Variants in NAV2 observed in about 807,000 individuals in gnomAD.
The protein encoded by NAV2 is neuron navigator 2.
Under a neutral mutation model 223.2 loss-of-function variants are expected in NAV2, and 54 were observed. The observed-to-expected ratio is 0.24, with a 90% CI of 0.19 to 0.30. The LOEUF (loss-of-function observed/expected upper bound fraction) is 0.30, where lower values mean the gene tolerates loss of function less well. Among genes scored for constraint, NAV2 ranks in the 10% least tolerant of loss-of-function variants. The pLI is 1.00. For missense variants in NAV2, 2,806 were observed against 3,147.5 expected, an observed-to-expected ratio of 0.89 and a Z score of 2.60; for synonymous variants, 1,279 against 1,239.3, an observed-to-expected ratio of 1.03 and a Z score of -0.67.
intron 1 of NAV2, among the ~76,000 whole-genome samples, chr11:19,693,138 C>T (rs78224385): frequency 0.017 from 2,609 of 152,344 alleles, 73 homozygotes; most frequent in African/African-American, 0.059. Flanking sequence ...TTTCACGTAT[C>T]TACTACCAGC....
chr11:19,474,462 T>C (rs897154648), intron 1 of NAV2, among the ~76,000 whole-genome samples: 17 of 152,210 alleles, frequency 1.1e-4, no homozygotes, highest in African/African-American at 3.1e-4. Flanking sequence ...ACAATACACG[T>C]ATGTGTAGCC....
chr11:19,832,432 T>G (rs2059996577), intron 1 of NAV2, 52 bp from the exon 2 acceptor site: 8 of 1,452,130 alleles, frequency 5.5e-6, no homozygotes, highest in Non-Finnish European at 7.7e-6. Flanking sequence ...CCTCAGACTC[T>G]GAGAGGGGAT....
intron 1 of NAV2, among the ~76,000 whole-genome samples, chr11:19,544,007 A>G (rs928927902): frequency 2.0e-5 from 3 of 152,256 alleles, no homozygotes; most frequent in African/African-American, 7.2e-5. Flanking sequence ...TTGTGAATAT[A>G]TACTTACTAC....
At chr11:19,681,521 G>C (rs546401124) in intron 1 of NAV2, among the ~76,000 whole-genome samples, 2 of 152,120 alleles carry the variant, frequency 1.3e-5, no homozygotes, top group African/African-American at 4.8e-5. Context: ...GAAGCCTATC[G>C]ATTTAATTAT....
At chr11:19,501,095 A>G (rs1001724092) in intron 1 of NAV2, among the ~76,000 whole-genome samples, 2 of 152,112 alleles carry the variant, frequency 1.3e-5, no homozygotes, top group African/African-American at 4.8e-5. Context: ...CCATCTTCAA[A>G]GTCAGCAACC....
Position 20,002,673 on chromosome 11 carries a change from G to A in NAV2, c.2768+18426G>A, listed in dbSNP as rs1464293672. On this transcript the variant is annotated intron_variant, in intron 11 of 37. Coordinates refer to ENST00000349880, the MANE Select transcript of NAV2 (RefSeq NM_145117.5). ...GTTTTGTTCTCTGGGAAATCCTATC[G>A]TTGAAGGCCAACCACTTGTTTTCCA... is the stretch of plus-strand genomic sequence containing the variant. Among the ~76,000 whole-genome samples the A allele has an allele frequency of 3.3e-5, 5 of 152,136 alleles. No individual in the cohort carries two copies. The East Asian group carries it at 5.8e-4, about 18-fold the overall frequency.
chr11:20,067,636 C>G (rs1480631846), intron 20 of NAV2, among the ~76,000 whole-genome samples: 1 of 146,054 alleles, frequency 6.8e-6, no homozygotes. Context: ...TGCCATCACA[C>G]CCGGCTAATT....
intron 1 of NAV2, among the ~76,000 whole-genome samples, chr11:19,759,304 C>T (rs1321939922): frequency 6.6e-6 from 1 of 151,870 alleles, no homozygotes; most frequent in East Asian, 1.9e-4. Context: ...AGGATGGTCT[C>T]GATCTGCTGA....
At chr11:20,092,170 T>C (rs1392110508) in intron 27 of NAV2, 36 bp from the exon 28 acceptor site, 1 of 1,593,230 alleles carries the variant, frequency 6.3e-7, no homozygotes, top group Admixed American at 1.7e-5. Flanking sequence ...ACATTACTTC[T>C]GCCTACTAAG....
chr11:19,897,733 C>T (rs1373417526), intron 6 of NAV2, among the ~76,000 whole-genome samples: 1 of 151,834 alleles, frequency 6.6e-6, no homozygotes, highest in African/African-American at 2.4e-5. Context: ...TCAGATTTTG[C>T]CTGTGAGGTT....
chr11:19,763,246 ACTGT>A (rs2054916627), intron 1 of NAV2, among the ~76,000 whole-genome samples: 1 of 152,162 alleles, frequency 6.6e-6, no homozygotes, highest in African/African-American at 2.4e-5. Context: ...ATAACAGGAG[ACTGT>A]CTGTATTTTC....
At chr11:19,748,923 C>A (rs543596683) in intron 1 of NAV2, among the ~76,000 whole-genome samples, 1 of 152,342 alleles carries the variant, frequency 6.6e-6, no homozygotes, top group South Asian at 2.1e-4. Context: ...GAAGAACTTG[C>A]CCAAACCACA....
At chr11:19,739,734 T>C (rs1197279782) in intron 1 of NAV2, among the ~76,000 whole-genome samples, 1 of 152,174 alleles carries the variant, frequency 6.6e-6, no homozygotes, top group East Asian at 1.9e-4. Context: ...GCTAAACCTC[T>C]CTTTTGCTGG....
intron 3 of NAV2, among the ~76,000 whole-genome samples, chr11:19,848,871 G>T (rs1565423083): frequency 6.6e-6 from 1 of 152,132 alleles, no homozygotes; most frequent in Non-Finnish European, 1.5e-5. Flanking sequence ...GGACTCAAAG[G>T]AAACCCCTGA....
chr11:19,560,611 G>A (rs913468446), intron 1 of NAV2, among the ~76,000 whole-genome samples: 11 of 152,180 alleles, frequency 7.2e-5, no homozygotes, highest in Admixed American at 2.0e-4. Flanking sequence ...TAAGTTTATA[G>A]AAAACTCTAA....
At chr11:19,736,412 G>C (rs1409593252) in intron 1 of NAV2, among the ~76,000 whole-genome samples, 1 of 152,168 alleles carries the variant, frequency 6.6e-6, no homozygotes, top group African/African-American at 2.4e-5. Flanking sequence ...ATCCTCCTTG[G>C]CAGTCCCAGG....
At chr11:19,561,317 C>G (rs572994583) in intron 1 of NAV2, among the ~76,000 whole-genome samples, 37 of 152,240 alleles carry the variant, frequency 2.4e-4, no homozygotes, top group African/African-American at 8.9e-4. Flanking sequence ...TAACCAGTCA[C>G]GGAGAGTCGG....
In NAV2 at chr11:19,607,500, A is replaced by G. The variant is rs1039319922; in HGVS notation, c.76-224984A>G. On this transcript the variant is annotated intron_variant, in intron 1 of 37. Coordinates refer to the NAV2 transcript ENST00000360655. Reference sequence around the variant, plus strand: ...CTGGAAGATGGGCCAGTTCTACTTAAATGTTGTCTGACTGCTACTTAACCC... The same window carrying G: ...CTGGAAGATGGGCCAGTTCTACTTAGATGTTGTCTGACTGCTACTTAACCC... Among the ~76,000 whole-genome samples, 8 of 152,154 alleles carry G rather than the reference A, an allele frequency of 5.3e-5. No individual in the cohort carries two copies. In the East Asian group the frequency reaches 1.3e-3, roughly 26 times the overall value.
intron 11 of NAV2, among the ~76,000 whole-genome samples, chr11:19,995,442 C>G (rs1309665005): frequency 6.6e-6 from 1 of 152,206 alleles, no homozygotes; most frequent in Non-Finnish European, 1.5e-5. Flanking sequence ...GTGGGGCCCC[C>G]TCTTGTGCAG....
Sources: gnomAD v4.1 joint callset for allele counts (sites outside exome capture counted in the v4.1 genomes callset) on GRCh38, gnomAD v4.1.1 for gene constraint, MANE v1.5 for transcripts, NCBI Gene and HGNC (gene_info 2026-07-23, HGNC 2026-07-21) for gene names.